The following CCDC148 variants were observed in gnomAD, a reference collection of about 807,000 sequenced individuals.
CCDC148 encodes the protein coiled-coil domain containing 148.
Under a neutral mutation model 85.7 loss-of-function variants are expected in CCDC148, and 89 were observed. That is an observed-to-expected ratio of 1.04 (90% confidence interval 0.87 to 1.24). The LOEUF (loss-of-function observed/expected upper bound fraction) is 1.24, where lower values mean the gene tolerates loss of function less well. Ranked by LOEUF, CCDC148 falls within the 50% of genes most tolerant of loss-of-function variation. The pLI is 0.00. For synonymous variants in CCDC148, 230 were observed against 213.9 expected, an observed-to-expected ratio of 1.08 and a Z score of -0.66; for missense variants, 692 against 671.7, an observed-to-expected ratio of 1.03 and a Z score of -0.33.
intron 1 of CCDC148, among the ~76,000 whole-genome samples, chr2:158,368,234 G>A (rs1376962836): frequency 6.6e-6 from 1 of 151,726 alleles, no homozygotes; most frequent in Non-Finnish European, 1.5e-5. Flanking sequence ...GCCCCACCAG[G>A]GTTTCAAAAA....
intron 9 of CCDC148, among the ~76,000 whole-genome samples, chr2:158,267,913 A>G (rs1033328): frequency 0.41 from 62,141 of 151,954 alleles, 13,333 homozygotes; most frequent in South Asian, 0.61. Flanking sequence ...ATGTTGTTCC[A>G]TGTATGAGTG....
At chr2:158,335,324 A>G (rs904457802) in intron 7 of CCDC148, among the ~76,000 whole-genome samples, 1 of 152,178 alleles carries the variant, frequency 6.6e-6, no homozygotes, top group Non-Finnish European at 1.5e-5. Context: ...CTCATTCTTC[A>G]AAGTTCATAG....
intron 1 of CCDC148, among the ~76,000 whole-genome samples, chr2:158,432,251 G>T (rs1448565570): frequency 6.6e-6 from 1 of 151,582 alleles, no homozygotes; most frequent in African/African-American, 2.4e-5. Flanking sequence ...AAAACAGCAG[G>T]ATGGTAGGCT....
chr2:158,442,187 G>C (rs73001304), intron 1 of CCDC148, among the ~76,000 whole-genome samples: 5,009 of 152,186 alleles, frequency 0.033, 127 homozygotes, highest in African/African-American at 0.064. Flanking sequence ...TAAATAATTG[G>C]CTTTTGTTCA....
intron 1 of CCDC148, among the ~76,000 whole-genome samples, chr2:158,385,317 G>A (rs1475425859): frequency 6.6e-6 from 1 of 152,102 alleles, no homozygotes; most frequent in African/African-American, 2.4e-5. Flanking sequence ...AGCTCAACAA[G>A]TTCATGCTAC....
chr2:158,255,216 C>T (rs913062449), intron 9 of CCDC148, among the ~76,000 whole-genome samples: 1 of 151,324 alleles, frequency 6.6e-6, no homozygotes, highest in Non-Finnish European at 1.5e-5. Flanking sequence ...ATATTGGAAT[C>T]ATGGGGATGG....
chr2:158,181,800 G>C (rs1228579575), intron 11 of CCDC148, among the ~76,000 whole-genome samples: 2 of 151,982 alleles, frequency 1.3e-5, no homozygotes, highest in Non-Finnish European at 2.9e-5. Context: ...AGCAAGAGGG[G>C]CTGGACTGTG....
intron 1 of CCDC148, among the ~76,000 whole-genome samples, chr2:158,374,452 T>C (rs1684574178): frequency 6.6e-6 from 1 of 152,026 alleles, no homozygotes; most frequent in Non-Finnish European, 1.5e-5. Context: ...TTCACTATGA[T>C]ACATACCATA....
intron 10 of CCDC148, among the ~76,000 whole-genome samples, chr2:158,240,481 C>T (rs927219001): frequency 1.3e-5 from 2 of 151,484 alleles, no homozygotes; most frequent in South Asian, 2.1e-4. Context: ...CACACACACA[C>T]ACACACACAC....
At chr2:158,289,058 C>T (rs1690768633) in intron 9 of CCDC148, among the ~76,000 whole-genome samples, 1 of 152,152 alleles carries the variant, frequency 6.6e-6, no homozygotes, top group Admixed American at 6.5e-5. Flanking sequence ...ATTCAATTAC[C>T]TCCCACTGTG....
chr2:158,273,304 TAAA>T (rs1689780426), intron 9 of CCDC148, among the ~76,000 whole-genome samples: 1 of 152,160 alleles, frequency 6.6e-6, no homozygotes, highest in Non-Finnish European at 1.5e-5. Flanking sequence ...TGATTAGTAG[TAAA>T]CATAATAACA....
intron 1 of CCDC148, among the ~76,000 whole-genome samples, chr2:158,389,869 G>A (rs1365198790): frequency 1.3e-5 from 2 of 152,164 alleles, no homozygotes; most frequent in African/African-American, 4.8e-5. Context: ...TCTGACTCAG[G>A]ACAGGCTTTG....
rs1210757718 is a variant in CCDC148 at position 158,217,326 on chromosome 2, AT to A, written c.1370+3268del. Among the ~76,000 whole-genome samples the A allele has an allele frequency of 7.8e-3, 722 of 92,226 alleles. 6 individuals are homozygous for A. The highest frequency in any genetic ancestry group is 0.02 in the African/African-American group (647 of 32,072). 60.5% of individuals were successfully genotyped at this position (92,226 alleles called of 152,430 possible). On this transcript the variant is annotated intron_variant, in intron 11 of 13. Transcript: ENST00000283233. ...TTTATGTAGGTATATATATATATAT[AT>A]AATTTTGTGTATATATATATATATA... is the stretch of plus-strand genomic sequence containing the variant.
At chr2:158,326,105 C>T (rs1257711290) in intron 7 of CCDC148, among the ~76,000 whole-genome samples, 1 of 152,088 alleles carries the variant, frequency 6.6e-6, no homozygotes, top group Non-Finnish European at 1.5e-5. Flanking sequence ...ATGTCCTGCC[C>T]CCCATCCATA....
intron 9 of CCDC148, among the ~76,000 whole-genome samples, chr2:158,265,046 G>A (rs1444776816): frequency 3.9e-5 from 6 of 151,982 alleles, no homozygotes; most frequent in Admixed American, 3.9e-4. Flanking sequence ...GAATAGCTAT[G>A]ACCCCTCATA....
intron 9 of CCDC148, among the ~76,000 whole-genome samples, chr2:158,303,561 A>G (rs1197642455): frequency 6.6e-6 from 1 of 152,212 alleles, no homozygotes; most frequent in African/African-American, 2.4e-5. Context: ...ATTTTCTTTT[A>G]TGATATCATT....
intron 1 of CCDC148, among the ~76,000 whole-genome samples, chr2:158,377,135 A>G (rs1022628458): frequency 3.9e-5 from 6 of 152,024 alleles, no homozygotes; most frequent in Admixed American, 3.9e-4. Flanking sequence ...TTCTCTGAAC[A>G]ATGATTTGAA....
intron 1 of CCDC148, among the ~76,000 whole-genome samples, chr2:158,447,863 T>A (rs1361842650): frequency 1.3e-5 from 2 of 152,218 alleles, no homozygotes; most frequent in Non-Finnish European, 2.9e-5. Context: ...CTTACCAGTA[T>A]CTTTTGGAGG....
At chr2:158,454,322 T>C (rs894719595) in intron 1 of CCDC148, among the ~76,000 whole-genome samples, 2 of 152,200 alleles carry the variant, frequency 1.3e-5, no homozygotes, top group African/African-American at 4.8e-5. Flanking sequence ...GGAAAAATCT[T>C]TGGAGGAGAG....
Sources: gnomAD v4.1 joint callset for allele counts (sites outside exome capture counted in the v4.1 genomes callset) on GRCh38, gnomAD v4.1.1 for gene constraint, MANE v1.5 for transcripts, NCBI Gene and HGNC (gene_info 2026-07-23, HGNC 2026-07-21) for gene names.